The following FAF1 variants were observed in gnomAD, a reference collection of about 807,000 sequenced individuals.
FAF1 encodes the protein Fas associated factor 1, also known as FAS-associated factor 1.
Under a neutral mutation model 92.5 loss-of-function variants are expected in FAF1, and 25 were observed. The observed-to-expected ratio is 0.27, with a 90% CI of 0.20 to 0.38. FAF1 has a LOEUF of 0.38. Ranked by LOEUF, FAF1 falls within the 10% of genes least tolerant of loss-of-function variation. The pLI is 1.00. For missense variants in FAF1, 636 were observed against 793.3 expected, an observed-to-expected ratio of 0.80 and a Z score of 2.38; for synonymous variants, 234 against 273.2, an observed-to-expected ratio of 0.86 and a Z score of 1.42.
At chr1:50,920,079 T>A (rs1644950860) in intron 1 of FAF1, among the ~76,000 whole-genome samples, 1 of 151,902 alleles carries the variant, frequency 6.6e-6, no homozygotes, top group African/African-American at 2.4e-5. Flanking sequence ...TCAGGTGGAC[T>A]ACCTGAGGTC....
At chr1:50,471,266 A>G (rs1164475002) in intron 18 of FAF1, 1 of 152,234 alleles carries the variant, frequency 6.6e-6, no homozygotes, top group Non-Finnish European at 1.5e-5. Context: ...GGTGAGATCT[A>G]TGCCATTGTT....
At chr1:50,840,458 A>G (rs1644246675) in intron 2 of FAF1, among the ~76,000 whole-genome samples, 1 of 152,020 alleles carries the variant, frequency 6.6e-6, no homozygotes, top group Admixed American at 6.6e-5. Context: ...ATACTTCACC[A>G]AAGGAAAAAA....
At chr1:50,741,252 G>A (rs1569865900) in intron 5 of FAF1, among the ~76,000 whole-genome samples, 3 of 152,180 alleles carry the variant, frequency 2.0e-5, no homozygotes, top group African/African-American at 7.2e-5. Flanking sequence ...AGGAGGTAAA[G>A]CATTCCAGGC....
chr1:50,944,174 C>T (rs1419745777), intron 1 of FAF1, among the ~76,000 whole-genome samples: 1 of 152,158 alleles, frequency 6.6e-6, no homozygotes, highest in African/African-American at 2.4e-5. Flanking sequence ...CTGGAGCCAA[C>T]CACTGCTGTT....
intron 6 of FAF1, among the ~76,000 whole-genome samples, chr1:50,715,986 ACT>A (rs1320714280): frequency 6.6e-6 from 1 of 152,034 alleles, no homozygotes; most frequent in Non-Finnish European, 1.5e-5. Flanking sequence ...TAAATGTAAC[ACT>A]CTTTATTGTC....
At chr1:50,819,765 G>GTATATATATATACATATATATACA (rs1557543621) in intron 2 of FAF1, among the ~76,000 whole-genome samples, 17 of 40,154 alleles carry the variant, frequency 4.2e-4, no homozygotes, top group African/African-American at 1.3e-3. Flanking sequence ...ATATATATAC[G>GTATATATATATACATATATATACA]TATATATATA....
chr1:50,894,941 A>G (rs1644747040), intron 1 of FAF1, among the ~76,000 whole-genome samples: 1 of 152,188 alleles, frequency 6.6e-6, no homozygotes, highest in African/African-American at 2.4e-5. Context: ...AAAGGTGGAA[A>G]AGCAAACAAC....
chr1:50,936,947 G>C (rs1272688861), intron 1 of FAF1, among the ~76,000 whole-genome samples: 1 of 152,118 alleles, frequency 6.6e-6, no homozygotes, highest in Non-Finnish European at 1.5e-5. Flanking sequence ...ACGAAGCAGA[G>C]ATGCAGAAGC....
At chr1:50,744,603 A>T in intron 5 of FAF1, 81 bp downstream of exon 5, 1 of 936,950 alleles carries the variant, frequency 1.1e-6, no homozygotes, top group Non-Finnish European at 1.7e-6. Flanking sequence ...TAACAACATT[A>T]ATTAAAACCA....
At chr1:50,797,832 G>A (rs549361661) in intron 3 of FAF1, among the ~76,000 whole-genome samples, 20 of 152,220 alleles carry the variant, frequency 1.3e-4, no homozygotes, top group Non-Finnish European at 1.6e-4. Flanking sequence ...AGCATAGCAA[G>A]ACCTTAAAAA....
chr1:50,661,198 C>T (rs116247810), intron 7 of FAF1, among the ~76,000 whole-genome samples: 1,976 of 152,118 alleles, frequency 0.013, 43 homozygotes, highest in African/African-American at 0.044. Flanking sequence ...ATATTTTCCC[C>T]TTATGAGATC....
intron 17 of FAF1, among the ~76,000 whole-genome samples, chr1:50,478,981 C>G (rs1646669962): frequency 6.6e-6 from 1 of 152,196 alleles, no homozygotes. Context: ...TCAAGTATCT[C>G]AGAAGCATAC....
intron 12 of FAF1, among the ~76,000 whole-genome samples, chr1:50,580,216 T>G (rs1650929970): frequency 6.6e-6 from 1 of 152,018 alleles, no homozygotes; most frequent in Non-Finnish European, 1.5e-5. Context: ...TTTTGTGAAT[T>G]TTGAATAAAT....
chr1:50,562,633 G>A (rs769058259), intron 13 of FAF1, among the ~76,000 whole-genome samples: 6 of 152,246 alleles, frequency 3.9e-5, no homozygotes, highest in Middle Eastern at 3.4e-3. Context: ...TCTGTATAAA[G>A]TTCATCTATA....
chr1:50,835,452 A>AAATC (rs1644191649), intron 2 of FAF1, among the ~76,000 whole-genome samples: 1 of 151,892 alleles, frequency 6.6e-6, no homozygotes, highest in African/African-American at 2.4e-5. Context: ...AACTTAGAAC[A>AAATC]AATCATTTAA....
intron 7 of FAF1, among the ~76,000 whole-genome samples, chr1:50,674,940 G>A (rs976852441): frequency 3.3e-5 from 5 of 151,372 alleles, no homozygotes; most frequent in African/African-American, 1.2e-4. Flanking sequence ...GCCCAGGCTG[G>A]AGTGCAGTGG....
intron 2 of FAF1, among the ~76,000 whole-genome samples, chr1:50,818,580 G>A (rs1001423672): frequency 6.6e-6 from 1 of 152,168 alleles, no homozygotes; most frequent in South Asian, 2.1e-4. Flanking sequence ...AAATCTCTCA[G>A]ACATTATGTT....
chr1:50,661,390 C>T (rs1655369548), intron 7 of FAF1, among the ~76,000 whole-genome samples: 2 of 152,244 alleles, frequency 1.3e-5, no homozygotes, highest in South Asian at 4.1e-4. Context: ...ACATATCAAA[C>T]ATTTTGATAT....
intron 1 of FAF1, among the ~76,000 whole-genome samples, chr1:50,917,721 G>T (rs1181476546): frequency 6.7e-6 from 1 of 148,454 alleles, no homozygotes; most frequent in Non-Finnish European, 1.5e-5. Context: ...AACCAACATA[G>T]TTTTTGGCAG....
Sources: allele counts gnomAD v4.1 joint callset (sites outside exome capture counted in the v4.1 genomes callset), GRCh38; gene constraint gnomAD v4.1.1; transcripts MANE v1.5; gene names NCBI Gene and HGNC (gene_info 2026-07-23, HGNC 2026-07-21).